BANK1: variants seen among roughly 807,000 people sequenced by gnomAD.
The protein encoded by BANK1 is B cell scaffold protein with ankyrin repeats 1, also known as B-cell scaffold protein with ankyrin repeats.
Under a neutral mutation model 94.5 loss-of-function variants are expected in BANK1, and 95 were observed. The observed-to-expected ratio is 1.00, with a 90% CI of 0.85 to 1.19. BANK1 has a LOEUF of 1.19. Ranked by LOEUF, BANK1 falls within the 50% of genes most tolerant of loss-of-function variation. BANK1 has a pLI of 0.00. For synonymous variants in BANK1, 334 were observed against 308.4 expected (o/e 1.08, Z -0.87); for missense variants, 987 against 932.2 (o/e 1.06, Z -0.77).
intron 11 of BANK1, among the ~76,000 whole-genome samples, chr4:102,046,102 T>C (rs1014269844): frequency 6.4e-4 from 96 of 150,844 alleles, no homozygotes; most frequent in Non-Finnish European, 1.2e-3. Flanking sequence ...GAGATATAGA[T>C]CAATGGAACA....
chr4:101,912,802 G>A (rs192975627), intron 6 of BANK1, among the ~76,000 whole-genome samples: 2 of 151,756 alleles, frequency 1.3e-5, no homozygotes, highest in East Asian at 1.9e-4. Flanking sequence ...TCCTTTTACT[G>A]CCCAAAAGAT....
chr4:101,822,196 A>G (rs13135381), intron 1 of BANK1, among the ~76,000 whole-genome samples: 41,048 of 151,652 alleles, frequency 0.27, 5,714 homozygotes, highest in Non-Finnish European at 0.3. Context: ...CTCTACCATT[A>G]AAAAAATACA....
At chr4:101,801,972 G>T (rs1725368786) in intron 1 of BANK1, among the ~76,000 whole-genome samples, 1 of 152,200 alleles carries the variant, frequency 6.6e-6, no homozygotes, top group African/African-American at 2.4e-5. Context: ...CCAGCCACCT[G>T]CCTGCTAGGG....
intron 7 of BANK1, among the ~76,000 whole-genome samples, chr4:101,959,417 C>T (rs960168923): frequency 1.1e-4 from 16 of 152,136 alleles, no homozygotes; most frequent in African/African-American, 3.6e-4. Flanking sequence ...GGATTACAGG[C>T]GTGAGCCACC....
At chr4:101,932,314 G>T (rs1267917796) in intron 7 of BANK1, among the ~76,000 whole-genome samples, 1 of 151,446 alleles carries the variant, frequency 6.6e-6, no homozygotes, top group Non-Finnish European at 1.5e-5. Context: ...AATAGAATTT[G>T]AATAATGTTT....
At chr4:102,045,025 T>C (rs1727832632) in intron 11 of BANK1, among the ~76,000 whole-genome samples, 1 of 151,270 alleles carries the variant, frequency 6.6e-6, no homozygotes, top group Non-Finnish European at 1.5e-5. Flanking sequence ...GTGCAGAAGC[T>C]CTTTAGTTTA....
In BANK1 at chr4:102,026,799, G is replaced by A. The variant is rs192789477; in HGVS notation, c.1594+1290G>A. ...ATCATGCCGCTGCACCCCAGCCTGG[G>A]CAACAAGAGTGAGACTCCATCTCAA... On this transcript the variant is annotated intron_variant, in intron 9 of 16. Coordinates refer to ENST00000322953, the MANE Select transcript of BANK1 (RefSeq NM_017935.5). 4.2e-3 allele frequency among the ~76,000 whole-genome samples: 602 copies of A among 142,132 alleles called. 8 individuals are homozygous for A. The highest frequency in any genetic ancestry group is 0.016 in the African/African-American group (589 of 37,432). The allele number at this position is 142,132 out of a possible 152,430, so 93.2% of individuals were successfully genotyped here.
intron 2 of BANK1, among the ~76,000 whole-genome samples, chr4:101,850,257 G>A (rs1263619897): frequency 6.6e-6 from 1 of 151,850 alleles, no homozygotes; most frequent in African/African-American, 2.4e-5. Context: ...CTTTTTGTTT[G>A]TTTGTTTGTT....
chr4:102,035,627 G>A (rs181511775), intron 10 of BANK1, among the ~76,000 whole-genome samples: 1,701 of 142,470 alleles, frequency 0.012, 11 homozygotes, highest in Middle Eastern at 0.035. Context: ...CAGCCTGGGT[G>A]ACAGAGCGAG....
intron 12 of BANK1, among the ~76,000 whole-genome samples, chr4:102,061,080 C>T (rs1474628316): frequency 6.6e-6 from 1 of 152,064 alleles, no homozygotes; most frequent in Non-Finnish European, 1.5e-5. Context: ...CACAGAAATC[C>T]CATTGCTTCA....
At chr4:101,973,491 T>C (rs999090370) in intron 7 of BANK1, among the ~76,000 whole-genome samples, 1 of 152,088 alleles carries the variant, frequency 6.6e-6, no homozygotes, top group Non-Finnish European at 1.5e-5. Context: ...TTCCTGAGCC[T>C]CTAAATTCTA....
chr4:102,058,415 T>A (rs1728307075), intron 11 of BANK1, among the ~76,000 whole-genome samples: 1 of 152,146 alleles, frequency 6.6e-6, no homozygotes, highest in Non-Finnish European at 1.5e-5. Context: ...AAATGCTTTT[T>A]AATGAAAATT....
intron 5 of BANK1, among the ~76,000 whole-genome samples, chr4:101,888,717 T>G (rs1465216348): frequency 6.6e-6 from 1 of 152,216 alleles, no homozygotes; most frequent in Non-Finnish European, 1.5e-5. Flanking sequence ...GTTATAAAAG[T>G]TAGAGATAGC....
intron 11 of BANK1, among the ~76,000 whole-genome samples, chr4:102,049,910 G>A (rs1235606301): frequency 1.3e-5 from 2 of 152,162 alleles, no homozygotes. Context: ...ACCTAAATGA[G>A]CATATGCACA....
chr4:101,863,356 G>A (rs769061974), intron 4 of BANK1, among the ~76,000 whole-genome samples: 1 of 151,860 alleles, frequency 6.6e-6, no homozygotes, highest in Non-Finnish European at 1.5e-5. Flanking sequence ...CATTTATGAT[G>A]TCTTTTCCTG....
rs1169514590 is a variant in BANK1, at chr4:102,030,071, A to G, written c.1706A>G (p.Lys569Arg). The stretch of plus-strand genomic sequence containing the variant: ...GAAAAAGAGAAGAAAGAAGAGGAAA[A>G]AGAGCAGGAGGAGGAAGAAGACCCA... The part of the protein sequence containing the change: ...KGEKEKKEEE[K>R]EQEEEEDPYT... The change falls in exon 10 of 17, where the codon AAA (lysine) becomes AGA (arginine). Residue 569 changes from lysine to arginine, a missense_variant. By Grantham distance (26) the Lys-to-Arg change is conservative. Transcript: ENST00000322953. The G allele has an allele frequency of 3.1e-6, 5 of 1,613,696 alleles. No individual in the cohort carries two copies. In the African/African-American group the frequency reaches 6.7e-5, roughly 22 times the overall value.
At chr4:101,802,386 C>A (rs972006203) in intron 1 of BANK1, among the ~76,000 whole-genome samples, 1 of 152,126 alleles carries the variant, frequency 6.6e-6, no homozygotes, top group African/African-American at 2.4e-5. Flanking sequence ...AATGTCTCAC[C>A]TAGATCTGTG....
chr4:101,988,992 A>G (rs569883990), intron 7 of BANK1, among the ~76,000 whole-genome samples: 4 of 152,170 alleles, frequency 2.6e-5, no homozygotes, highest in Non-Finnish European at 4.4e-5. Context: ...ATAACATTAT[A>G]TAACATTCCT....
intron 3 of BANK1, among the ~76,000 whole-genome samples, chr4:101,860,645 GGTC>G (rs1211290423): frequency 6.6e-6 from 1 of 152,074 alleles, no homozygotes; most frequent in Non-Finnish European, 1.5e-5. Flanking sequence ...TGGCCAAGCT[GGTC>G]TTGAACTCCT....
Sources: allele counts gnomAD v4.1 joint callset (sites outside exome capture counted in the v4.1 genomes callset), GRCh38; gene constraint gnomAD v4.1.1; transcripts MANE v1.5; gene names NCBI Gene and HGNC (gene_info 2026-07-23, HGNC 2026-07-21).